Variants in PLEKHA7 observed in about 807,000 individuals in gnomAD.
The protein encoded by PLEKHA7 is pleckstrin homology domain containing A7, also known as pleckstrin homology domain-containing family A member 7.
A neutral mutation model predicts 170.0 loss-of-function variants in PLEKHA7; 104 were observed. The ratio of observed to expected loss-of-function variants is 0.61; its 90% CI spans 0.52 to 0.72. The LOEUF (loss-of-function observed/expected upper bound fraction) is 0.72, where lower values mean the gene tolerates loss of function less well. PLEKHA7 is among the 30% of genes least tolerant of loss of function. PLEKHA7 has a pLI of 0.00. For synonymous variants in PLEKHA7, 648 were observed against 660.8 expected, an observed-to-expected ratio of 0.98 and a Z score of 0.30; for missense variants, 1,615 against 1,671.7, an observed-to-expected ratio of 0.97 and a Z score of 0.59.
intron 9 of PLEKHA7, among the ~76,000 whole-genome samples, chr11:16,836,821 TTTTTG>T (rs1218903305): frequency 6.6e-6 from 1 of 151,880 alleles, no homozygotes; most frequent in Non-Finnish European, 1.5e-5. Context: ...TTTTCTGTTT[TTTTTG>T]TTTTGTTTTG....
intron 3 of PLEKHA7, among the ~76,000 whole-genome samples, chr11:16,935,367 A>G (rs1860214081): frequency 6.6e-6 from 1 of 152,254 alleles, no homozygotes; most frequent in Non-Finnish European, 1.5e-5. Flanking sequence ...CGTTGCAGTG[A>G]GCCAAGATCG....
At chr11:16,837,066 C>T (rs540075479) in intron 9 of PLEKHA7, among the ~76,000 whole-genome samples, 2 of 152,122 alleles carry the variant, frequency 1.3e-5, no homozygotes, top group Admixed American at 1.3e-4. Flanking sequence ...TCAAGTTGTC[C>T]GCCTGCTTCG....
chr11:16,929,596 G>A (rs2215086), intron 3 of PLEKHA7, among the ~76,000 whole-genome samples: 7 of 152,156 alleles, frequency 4.6e-5, no homozygotes, highest in East Asian at 1.9e-4. Flanking sequence ...TGCCTCCCCC[G>A]CTTCTTGGTA....
At chr11:16,891,299 G>C (rs1464715587) in intron 3 of PLEKHA7, among the ~76,000 whole-genome samples, 1 of 152,138 alleles carries the variant, frequency 6.6e-6, no homozygotes, top group African/African-American at 2.4e-5. Flanking sequence ...GATTTGAGTG[G>C]CATATAAAAT....
intron 25 of PLEKHA7, among the ~76,000 whole-genome samples, 188 bp from the exon 26 acceptor site, chr11:16,783,084 C>T (rs935740526): frequency 5.9e-5 from 9 of 152,210 alleles, no homozygotes; most frequent in Non-Finnish European, 1.3e-4. Context: ...CTTTGTTCCT[C>T]CTTTGGGAAG....
At chr11:16,792,912 G>A (rs767931370) in intron 19 of PLEKHA7, among the ~76,000 whole-genome samples, 2 of 152,124 alleles carry the variant, frequency 1.3e-5, no homozygotes, top group African/African-American at 4.8e-5. Flanking sequence ...TAGCTGGGAC[G>A]ACAGGCAAGC....
chr11:16,783,000 A>G, intron 25 of PLEKHA7, 104 bp from the exon 26 acceptor site: 1 of 1,256,304 alleles, frequency 8.0e-7, no homozygotes, highest in South Asian at 1.5e-5. Flanking sequence ...TTTGAGGGGG[A>G]TCAGACAAAA....
rs565098624 is a variant in PLEKHA7 at position 16,793,811 on chromosome 11, C to T, written c.2745+677G>A. On this transcript the variant is annotated intron_variant, in intron 19 of 26. Coordinates refer to ENST00000531066, the MANE Select transcript of PLEKHA7 (RefSeq NM_001329630.2). ...ACCAAGGTGCTGGCCCAGTCAGCCA[C>T]AGAGGCCACAGACCGGATCTGGGAC... Among the ~76,000 whole-genome samples the T allele has an allele frequency of 3.9e-5, 6 of 152,360 alleles. No homozygotes were observed. In the East Asian group the frequency reaches 1.2e-3, roughly 29 times the overall value.
chr11:16,795,249 GCCTA>G, intron 17 of PLEKHA7: 2 of 519,656 alleles, frequency 3.8e-6, no homozygotes, highest in South Asian at 2.3e-5. Context: ...AGTCCAGCTT[GCCTA>G]CCTAATTTAA....
chr11:16,998,780 A>T (rs1056768849), intron 3 of PLEKHA7, among the ~76,000 whole-genome samples: 2 of 152,134 alleles, frequency 1.3e-5, no homozygotes, highest in Admixed American at 1.3e-4. Flanking sequence ...TACAGTTATT[A>T]TAGATATTTA....
Position 17,014,206 on chromosome 11 carries a change from G to GGGC in PLEKHA7, c.87-8_87-6dup. 2 of 1,569,900 alleles carry GGGC rather than the reference G, an allele frequency of 1.3e-6. No individual in the cohort carries two copies. Among genetic ancestry groups the GGGC allele is most frequent in the Non-Finnish European group, 1.7e-6 (2 of 1,161,968 alleles). ...GTCGTGCAGCGGAGCTGGTCACTGCGGGCAGAGAGGTGCACCTGTTAGCGC... is the reference window on the plus strand; with the variant it reads ...GTCGTGCAGCGGAGCTGGTCACTGCGGGCGGCAGAGAGGTGCACCTGTTAGCGC... On this transcript the variant is annotated splice_region_variant and splice_polypyrimidine_tract_variant and intron_variant, in intron 1 of 26. Coordinates refer to ENST00000531066, the MANE Select transcript of PLEKHA7 (RefSeq NM_001329630.2).
intron 3 of PLEKHA7, among the ~76,000 whole-genome samples, chr11:16,889,902 G>A (rs1332295550): frequency 6.6e-6 from 1 of 152,136 alleles, no homozygotes; most frequent in Non-Finnish European, 1.5e-5. Context: ...AGCTTCAAGA[G>A]AGAAGTGTCT....
intron 3 of PLEKHA7, among the ~76,000 whole-genome samples, chr11:16,893,797 G>C (rs569992226): frequency 6.6e-6 from 1 of 152,222 alleles, no homozygotes; most frequent in Non-Finnish European, 1.5e-5. Flanking sequence ...AGGGCCAGCA[G>C]TGCCCAAAGC....
chr11:16,791,071 C>A lies in PLEKHA7; in HGVS notation c.2874G>T (p.Arg958=), dbSNP rs1213642639. 1.9e-6 allele frequency: 3 copies of A among 1,614,058 alleles called. No individual in the cohort carries two copies. The highest frequency in any genetic ancestry group is 2.5e-6 in the Non-Finnish European group (3 of 1,180,050). The change falls in exon 20 of 27, where the codon CGG becomes CGT. Residue 958 remains arginine, a synonymous_variant. Coordinates refer to ENST00000531066, the MANE Select transcript of PLEKHA7 (RefSeq NM_001329630.2). The surrounding 1 kb of genome is among the most constrained non-coding windows in gnomAD (Gnocchi z 4.5). Reference sequence around the variant, plus strand: ...GGTCTCGCTTCCTCTCGTCTGACTGCCGCTTGAGGCCCCGCACAGATGTGT... The same window carrying A: ...GGTCTCGCTTCCTCTCGTCTGACTGACGCTTGAGGCCCCGCACAGATGTGT... ...IRHTSVRGLK[R]QSDERKRDRE...
intron 3 of PLEKHA7, among the ~76,000 whole-genome samples, chr11:17,008,664 G>C (rs1479121592): frequency 6.6e-6 from 1 of 152,196 alleles, no homozygotes; most frequent in African/African-American, 2.4e-5. Context: ...GCCCTGGGCT[G>C]GGTGCCTAAG....
chr11:16,934,509 C>T (rs1350043865), intron 3 of PLEKHA7, among the ~76,000 whole-genome samples: 3 of 152,154 alleles, frequency 2.0e-5, no homozygotes, highest in South Asian at 2.1e-4. Context: ...GCTTCCAAGT[C>T]GCTTTTTAAA....
intron 3 of PLEKHA7, among the ~76,000 whole-genome samples, chr11:16,968,444 C>G (rs888643451): frequency 1.3e-5 from 2 of 152,166 alleles, no homozygotes; most frequent in African/African-American, 4.8e-5. Flanking sequence ...CAGGTCCTTC[C>G]AGGGCAAGGC....
intron 17 of PLEKHA7, among the ~76,000 whole-genome samples, chr11:16,798,036 G>A (rs1267892063): frequency 6.6e-6 from 1 of 152,198 alleles, no homozygotes; most frequent in Non-Finnish European, 1.5e-5. Context: ...ACCACACTGG[G>A]TAGAAAGGCT....
chr11:16,933,565 G>A (rs1860087427), intron 3 of PLEKHA7, among the ~76,000 whole-genome samples: 1 of 152,250 alleles, frequency 6.6e-6, no homozygotes, highest in Non-Finnish European at 1.5e-5. Flanking sequence ...GAGCAACTGA[G>A]TGGATGCCAG....
Sources: gnomAD v4.1 joint callset for allele counts (sites outside exome capture counted in the v4.1 genomes callset) on GRCh38, gnomAD v4.1.1 for gene constraint, Gnocchi (gnomAD v3.1) non-coding constraint, MANE v1.5 for transcripts, NCBI Gene and HGNC (gene_info 2026-07-23, HGNC 2026-07-21) for gene names.